The following MCF2L2 variants were observed in gnomAD, a reference collection of about 807,000 sequenced individuals.
The protein encoded by MCF2L2 is probable guanine nucleotide exchange factor MCF2L2.
MCF2L2 carries 102 observed loss-of-function variants against 150.2 expected under a neutral mutation model. The ratio of observed to expected loss-of-function variants is 0.68; its 90% CI spans 0.58 to 0.80. The LOEUF (loss-of-function observed/expected upper bound fraction) is 0.80. Ranked by LOEUF, MCF2L2 falls within the 30% of genes least tolerant of loss-of-function variation. The pLI, the probability that MCF2L2 is intolerant of heterozygous loss-of-function variation, is 0.00. For missense variants in MCF2L2, 1,256 were observed against 1,372.8 expected (o/e 0.91, Z 1.34); for synonymous variants, 465 against 491.3 (o/e 0.95, Z 0.71).
chr3:183,376,533 G>A (rs1713196971), intron 3 of MCF2L2: 1 of 152,196 alleles, frequency 6.6e-6, no homozygotes, highest in African/African-American at 2.4e-5. Flanking sequence ...TAAAACCCAG[G>A]TTGATAAAGG....
intron 10 of MCF2L2, among the ~76,000 whole-genome samples, chr3:183,306,324 T>C (rs1288954544): frequency 6.6e-6 from 1 of 151,936 alleles, no homozygotes; most frequent in Non-Finnish European, 1.5e-5. Flanking sequence ...GTCATCAAAA[T>C]CTCCAAAGTA....
chr3:183,209,808 A>G (rs1722626959), intron 22 of MCF2L2, among the ~76,000 whole-genome samples: 1 of 152,138 alleles, frequency 6.6e-6, no homozygotes, highest in Admixed American at 6.6e-5. Context: ...TAAATTATTT[A>G]AAATATGTAA....
At chr3:183,327,511 C>T (rs1730100186) in intron 5 of MCF2L2, among the ~76,000 whole-genome samples, 1 of 152,160 alleles carries the variant, frequency 6.6e-6, no homozygotes, top group Admixed American at 6.5e-5. Flanking sequence ...CGACTGGCAT[C>T]GCTCTTGTTA....
Position 183,193,018 on chromosome 3 carries a change from G to A in MCF2L2, c.2997C>T (p.Ser999=). The change falls in exon 27 of 30, where the codon TCC becomes TCT. Residue 999 remains serine (S), a synonymous_variant. Transcript: ENST00000328913. Reference sequence around the variant, plus strand: ...CCCTACCTTTAATCCCTCCTGTGCTGGAGGCCGGGTCTTCCTTGCTAGTGG... The same window carrying A: ...CCCTACCTTTAATCCCTCCTGTGCTAGAGGCCGGGTCTTCCTTGCTAGTGG... ...RATTSKEDPA[S]STGGIKGCSS... is the part of the protein sequence containing the mutation. 6.2e-7 allele frequency: 1 copy of A among 1,614,056 alleles called. No homozygotes were observed.
intron 25 of MCF2L2, among the ~76,000 whole-genome samples, chr3:183,204,748 AC>A (rs980563671): frequency 3.3e-5 from 5 of 152,192 alleles, no homozygotes; most frequent in Admixed American, 6.5e-5. Flanking sequence ...AAGGGGAAAA[AC>A]CCCAAATCTT....
intron 1 of MCF2L2, among the ~76,000 whole-genome samples, chr3:183,399,775 C>G (rs1255106139): frequency 6.6e-6 from 1 of 152,086 alleles, no homozygotes; most frequent in Non-Finnish European, 1.5e-5. Flanking sequence ...AGGTTCAGAT[C>G]CTGAGACGGA....
chr3:183,189,719 A>C (rs1242033906), intron 27 of MCF2L2, among the ~76,000 whole-genome samples: 2 of 152,218 alleles, frequency 1.3e-5, no homozygotes, highest in East Asian at 3.9e-4. Context: ...CAAGAATCCT[A>C]CTTAACTAAA....
chr3:183,381,111 T>C (rs1388484948), intron 2 of MCF2L2, among the ~76,000 whole-genome samples: 1 of 152,186 alleles, frequency 6.6e-6, no homozygotes, highest in African/African-American at 2.4e-5. Context: ...GAGCTTAAGC[T>C]GCATGCACCT....
chr3:183,238,969 TC>T (rs1445725364), intron 15 of MCF2L2, among the ~76,000 whole-genome samples: 2 of 134,866 alleles, frequency 1.5e-5, no homozygotes, highest in African/African-American at 2.9e-5. Flanking sequence ...TGCACTCCAG[TC>T]TGGGCAACAG....
intron 3 of MCF2L2, chr3:183,376,774 T>C (rs1181109077): frequency 1.3e-5 from 2 of 152,232 alleles, no homozygotes; most frequent in Admixed American, 1.3e-4. Context: ...CAGTTACTTC[T>C]ATACTGGATT....
intron 2 of MCF2L2, 69 bp downstream of exon 2, chr3:183,389,627 A>G (rs1714028039): frequency 7.5e-7 from 1 of 1,334,778 alleles, no homozygotes; most frequent in Non-Finnish European, 1.1e-6. Context: ...CTCAAGGTTC[A>G]AGAGGCTGGA....
intron 26 of MCF2L2, 31 bp downstream of exon 26, chr3:183,195,191 A>G (rs753895769): frequency 7.1e-6 from 11 of 1,557,286 alleles, no homozygotes; most frequent in Non-Finnish European, 9.6e-6. Context: ...AGCATTTGAC[A>G]TGCCTTTAAA....
chr3:183,271,411 T>C (rs2108448749), intron 15 of MCF2L2: 1 of 167,456 alleles, frequency 6.0e-6, no homozygotes, highest in East Asian at 1.9e-4. Flanking sequence ...GGAGAGAAAG[T>C]TCATGAATCT....
chr3:183,197,710 G>T lies in MCF2L2; in HGVS notation c.2885-2455C>A, dbSNP rs778175157. On this transcript the variant is annotated intron_variant, in intron 25 of 29. Coordinates refer to ENST00000328913, the MANE Select transcript of MCF2L2 (RefSeq NM_015078.4). The surrounding 1 kb of genome is among the most constrained non-coding windows in gnomAD (Gnocchi z 4.5). Reference sequence around the variant, plus strand: ...GAAAATATTTACAAAGCATTAAAAGGACATATATCTAGGATATACATAAAA... The same window carrying T: ...GAAAATATTTACAAAGCATTAAAAGTACATATATCTAGGATATACATAAAA... Among the ~76,000 whole-genome samples, 1 of 152,052 alleles carries T rather than the reference G, an allele frequency of 6.6e-6. No homozygotes were observed. Among genetic ancestry groups the T allele is most frequent in the Non-Finnish European group, 1.5e-5 (1 of 68,016 alleles).
chr3:183,205,854 A>G lies in MCF2L2; in HGVS notation c.2884+22T>C, dbSNP rs541891601. 8 of 1,592,790 alleles carry G rather than the reference A, an allele frequency of 5.0e-6. No individual in the cohort carries two copies. In the Admixed American group the frequency reaches 8.4e-5, roughly 17 times the overall value. Reference sequence around the variant, plus strand: ...TGAAATCAGTATAACTCGACAGACGAAAGTCAGCAGGGGTAACCTACCTTT... The same window carrying G: ...TGAAATCAGTATAACTCGACAGACGGAAGTCAGCAGGGGTAACCTACCTTT... On this transcript the variant is annotated intron_variant, in intron 25 of 29. Transcript: ENST00000328913.
chr3:183,354,789 T>C (rs1258956193), intron 3 of MCF2L2, among the ~76,000 whole-genome samples: 1 of 152,224 alleles, frequency 6.6e-6, no homozygotes, highest in Non-Finnish European at 1.5e-5. Context: ...GGCTGTGTCA[T>C]GGCGTCGTGG....
In MCF2L2 at chr3:183,270,494, T is replaced by C. The variant is rs1446695091; in HGVS notation, c.1862+6378A>G. 2 of 1,614,062 alleles carry C rather than the reference T, an allele frequency of 1.2e-6. No homozygotes were observed. Among genetic ancestry groups the C allele is most frequent in the Non-Finnish European group, 1.7e-6 (2 of 1,180,036 alleles). On this transcript the variant is annotated intron_variant, in intron 15 of 29. Transcript: ENST00000328913. The surrounding 1 kb of genome is among the most constrained non-coding windows in gnomAD (Gnocchi z 4.5). ...ATCGTGGTGCCCCTCCCATTAGAGA[T>C]AAAAGCAGCAAATACTACGTGTCCT... is the stretch of plus-strand genomic sequence containing the variant.
intron 23 of MCF2L2, among the ~76,000 whole-genome samples, chr3:183,206,867 G>A (rs1428778522): frequency 2.7e-5 from 4 of 150,178 alleles, no homozygotes; most frequent in African/African-American, 7.4e-5. Context: ...AAACTCTGTC[G>A]AAAGAAAAGA....
intron 13 of MCF2L2, among the ~76,000 whole-genome samples, chr3:183,290,962 C>A (rs1040807455): frequency 5.3e-5 from 8 of 152,196 alleles, no homozygotes; most frequent in African/African-American, 1.9e-4. Context: ...CCTTCCAACC[C>A]TTCCATTCTG....
Sources: allele counts gnomAD v4.1 joint callset (sites outside exome capture counted in the v4.1 genomes callset), GRCh38; gene constraint gnomAD v4.1.1; non-coding constraint Gnocchi (gnomAD v3.1); transcripts MANE v1.5; gene names NCBI Gene and HGNC (gene_info 2026-07-23, HGNC 2026-07-21).